Variants in ANXA10 observed in about 807,000 individuals in gnomAD.
The protein encoded by ANXA10 is annexin 14.
A neutral mutation model predicts 53.5 loss-of-function variants in ANXA10; 49 were observed. The ratio of observed to expected loss-of-function variants is 0.92; its 90% CI spans 0.73 to 1.16. The LOEUF (loss-of-function observed/expected upper bound fraction) is 1.16. Ranked by LOEUF, ANXA10 falls within the 50% of genes most tolerant of loss-of-function variation. The pLI is 0.00. For synonymous variants in ANXA10, 131 were observed against 128.9 expected, an observed-to-expected ratio of 1.02 and a Z score of -0.11; for missense variants, 393 against 394.4, an observed-to-expected ratio of 1.00 and a Z score of 0.03.
At chr4:168,177,395 A>G (rs1163919174) in intron 6 of ANXA10, among the ~76,000 whole-genome samples, 1 of 152,090 alleles carries the variant, frequency 6.6e-6, no homozygotes, top group African/African-American at 2.4e-5. Context: ...CAATGTTAAC[A>G]CTCATTTCTA....
chr4:168,164,637 T>C (rs1731843028), intron 5 of ANXA10, among the ~76,000 whole-genome samples: 2 of 152,190 alleles, frequency 1.3e-5, no homozygotes, highest in Non-Finnish European at 2.9e-5. Context: ...GGTACAATAA[T>C]GGCTCAGTGA....
At chr4:168,181,957 A>C (rs1732256990) in intron 10 of ANXA10, among the ~76,000 whole-genome samples, 1 of 152,220 alleles carries the variant, frequency 6.6e-6, no homozygotes, top group African/African-American at 2.4e-5. Flanking sequence ...TTAGGGAACC[A>C]TATTTGGGGT....
intron 11 of ANXA10, among the ~76,000 whole-genome samples, chr4:168,185,089 G>A (rs772118226): frequency 1.4e-4 from 21 of 152,144 alleles, no homozygotes; most frequent in Admixed American, 2.6e-4. Flanking sequence ...GGGAGGCGGA[G>A]CTTGCAGTGA....
chr4:168,181,635 T>A, intron 9 of ANXA10, 48 bp from the exon 10 acceptor site: 1 of 1,426,196 alleles, frequency 7.0e-7, no homozygotes, highest in African/African-American at 1.4e-5. Flanking sequence ...GACGAAAATA[T>A]ATGTTTTCAC....
intron 1 of ANXA10, among the ~76,000 whole-genome samples, chr4:168,102,883 G>A (rs1730662815): frequency 6.6e-6 from 1 of 151,992 alleles, no homozygotes; most frequent in African/African-American, 2.4e-5. Flanking sequence ...ATTCTCACCA[G>A]CAATATATTA....
chr4:168,105,797 A>G (rs1730710752), intron 1 of ANXA10, among the ~76,000 whole-genome samples: 1 of 152,060 alleles, frequency 6.6e-6, no homozygotes, highest in African/African-American at 2.4e-5. Context: ...TTGACTTTTT[A>G]TTAACAGCCA....
At chr4:168,142,914 C>A (rs1731348543) in intron 3 of ANXA10, among the ~76,000 whole-genome samples, 1 of 152,122 alleles carries the variant, frequency 6.6e-6, no homozygotes, top group African/African-American at 2.4e-5. Flanking sequence ...ACACTGTAAT[C>A]TCCTGGAAAA....
intron 1 of ANXA10, among the ~76,000 whole-genome samples, chr4:168,115,041 C>G (rs1211591223): frequency 6.6e-6 from 1 of 152,126 alleles, no homozygotes; most frequent in Non-Finnish European, 1.5e-5. Flanking sequence ...CATATACCAC[C>G]ATGCCCAGCT....
intron 1 of ANXA10, among the ~76,000 whole-genome samples, chr4:168,120,468 TAA>T: frequency 6.6e-6 from 1 of 152,158 alleles, no homozygotes; most frequent in Admixed American, 6.5e-5. Context: ...AAAGCCTGGG[TAA>T]ATAACTGGTT....
intron 3 of ANXA10, among the ~76,000 whole-genome samples, chr4:168,149,980 TCTC>T (rs1222927797): frequency 1.3e-5 from 2 of 152,152 alleles, no homozygotes; most frequent in Non-Finnish European, 2.9e-5. Context: ...AATGTTCTCT[TCTC>T]CTCATACAGT....
At chr4:168,171,047 T>C (rs1206940917) in intron 6 of ANXA10, among the ~76,000 whole-genome samples, 5 of 152,160 alleles carry the variant, frequency 3.3e-5, no homozygotes, top group South Asian at 4.1e-4. Context: ...ACCACTGACT[T>C]AGGATTTGGA....
chr4:168,114,004 A>G (rs2149466822), intron 1 of ANXA10, among the ~76,000 whole-genome samples: 1 of 152,274 alleles, frequency 6.6e-6, no homozygotes, highest in East Asian at 1.9e-4. Context: ...GGATTCTGGA[A>G]GGGCTGATCA....
At chr4:168,124,578 A>G (rs2149469039) in intron 1 of ANXA10, among the ~76,000 whole-genome samples, 1 of 152,274 alleles carries the variant, frequency 6.6e-6, no homozygotes, top group African/African-American at 2.4e-5. Flanking sequence ...CCAAAGTCTG[A>G]CTTTTTCTAT....
chr4:168,156,535 A>G (rs111412840), intron 3 of ANXA10, among the ~76,000 whole-genome samples: 8 of 147,246 alleles, frequency 5.4e-5, no homozygotes, highest in African/African-American at 2.0e-4. Context: ...CGGAGTCTCC[A>G]CTCTGTCACC....
chr4:168,155,334 C>T (rs1201953996), intron 3 of ANXA10, among the ~76,000 whole-genome samples: 1 of 118,518 alleles, frequency 8.4e-6, no homozygotes, highest in Non-Finnish European at 1.6e-5. Flanking sequence ...ATATGTATTA[C>T]ATTATATATA....
intron 1 of ANXA10, among the ~76,000 whole-genome samples, chr4:168,097,094 A>G (rs1432104215): frequency 6.6e-6 from 1 of 151,870 alleles, no homozygotes; most frequent in East Asian, 1.9e-4. Flanking sequence ...AGATTGTATC[A>G]TGCAAAAAAA....
intron 3 of ANXA10, among the ~76,000 whole-genome samples, chr4:168,144,427 T>C (rs566626236): frequency 6.6e-6 from 1 of 152,312 alleles, no homozygotes; most frequent in African/African-American, 2.4e-5. Context: ...CCTCAGGTGA[T>C]CCACCTACCT....
intron 3 of ANXA10, among the ~76,000 whole-genome samples, chr4:168,150,581 A>G (rs539646911): frequency 1.3e-5 from 2 of 152,336 alleles, no homozygotes; most frequent in African/African-American, 4.8e-5. Flanking sequence ...AAATTTATGC[A>G]GAACAGGGTG....
intron 1 of ANXA10, among the ~76,000 whole-genome samples, chr4:168,117,386 T>C (rs1378572349): frequency 6.6e-6 from 1 of 152,210 alleles, no homozygotes; most frequent in Non-Finnish European, 1.5e-5. Context: ...TAAGATTAAA[T>C]ACATAAATAT....
Sources: gnomAD v4.1 joint callset for allele counts (sites outside exome capture counted in the v4.1 genomes callset) on GRCh38, gnomAD v4.1.1 for gene constraint, MANE v1.5 for transcripts, NCBI Gene and HGNC (gene_info 2026-07-23, HGNC 2026-07-21) for gene names.